The following NEGR1 variants were observed in gnomAD, a reference collection of about 807,000 sequenced individuals.
NEGR1 encodes the protein neuronal growth regulator 1.
Under a neutral mutation model 40.9 loss-of-function variants are expected in NEGR1, and 10 were observed. The observed-to-expected ratio is 0.24, with a 90% CI of 0.15 to 0.42. NEGR1 has a LOEUF of 0.42. NEGR1 is among the 10% of genes least tolerant of loss of function. The pLI is 1.00. For synonymous variants in NEGR1, 185 were observed against 166.8 expected (o/e 1.11, Z -0.84); for missense variants, 352 against 438.9 (o/e 0.80, Z 1.77).
intron 6 of NEGR1, among the ~76,000 whole-genome samples, chr1:71,431,348 G>A (rs891414390): frequency 2.0e-5 from 3 of 152,086 alleles, no homozygotes; most frequent in African/African-American, 7.2e-5. Context: ...TACAATAATG[G>A]AAGAAGAAAA....
chr1:71,480,122 C>G (rs558441756), intron 6 of NEGR1, among the ~76,000 whole-genome samples: 1 of 152,040 alleles, frequency 6.6e-6, no homozygotes, highest in South Asian at 2.1e-4. Context: ...CCATATTTCT[C>G]TAACTCCTGA....
intron 2 of NEGR1, among the ~76,000 whole-genome samples, chr1:71,790,934 C>A (rs547092494): frequency 1.3e-5 from 2 of 151,996 alleles, no homozygotes; most frequent in East Asian, 3.9e-4. Flanking sequence ...GAACAAAAAT[C>A]ATTTGTTGTT....
chr1:71,785,228 G>A (rs1354360022), intron 2 of NEGR1, among the ~76,000 whole-genome samples: 3 of 152,114 alleles, frequency 2.0e-5, no homozygotes, highest in East Asian at 1.9e-4. Flanking sequence ...ACTTATTGTC[G>A]TGCTGTATAT....
At chr1:71,803,527 G>A (rs1379663840) in intron 2 of NEGR1, among the ~76,000 whole-genome samples, 5 of 152,056 alleles carry the variant, frequency 3.3e-5, no homozygotes, top group Admixed American at 3.3e-4. Context: ...TTTTCTACCA[G>A]CTCCATTGGT....
At chr1:72,130,697 C>T (rs1650213307) in intron 1 of NEGR1, among the ~76,000 whole-genome samples, 1 of 152,116 alleles carries the variant, frequency 6.6e-6, no homozygotes, top group South Asian at 2.1e-4. Context: ...ACCTCATCTC[C>T]TATTAATTTC....
At chr1:71,935,385 T>C in intron 1 of NEGR1, 74 bp from the exon 2 acceptor site, 1 of 1,075,494 alleles carries the variant, frequency 9.3e-7, no homozygotes, top group Non-Finnish European at 1.4e-6. Context: ...TTCTGAGTGT[T>C]TTTTTCTTTT....
intron 6 of NEGR1, among the ~76,000 whole-genome samples, chr1:71,471,219 C>G (rs1490825469): frequency 2.6e-5 from 4 of 152,132 alleles, no homozygotes; most frequent in South Asian, 2.1e-4. Flanking sequence ...AACACATCAG[C>G]TCTTCAGTAA....
chr1:72,158,053 T>G (rs565560945), intron 1 of NEGR1, among the ~76,000 whole-genome samples: 1 of 152,222 alleles, frequency 6.6e-6, no homozygotes, highest in East Asian at 1.9e-4. Context: ...TACAGGTCTA[T>G]ATGGGAAAAA....
At chr1:71,885,880 T>A (rs1660709093) in intron 2 of NEGR1, among the ~76,000 whole-genome samples, 1 of 152,176 alleles carries the variant, frequency 6.6e-6, no homozygotes, top group East Asian at 1.9e-4. Context: ...AGTATGGAAA[T>A]TTATGAAATG....
At chr1:72,137,906 A>T (rs1241589800) in intron 1 of NEGR1, among the ~76,000 whole-genome samples, 2 of 152,124 alleles carry the variant, frequency 1.3e-5, no homozygotes, top group African/African-American at 4.8e-5. Context: ...GTGGAGCAAG[A>T]TCTTTAAAAT....
intron 1 of NEGR1, among the ~76,000 whole-genome samples, chr1:72,080,731 A>G (rs1647959570): frequency 6.6e-6 from 1 of 152,084 alleles, no homozygotes; most frequent in African/African-American, 2.4e-5. Context: ...TATAAGAGAA[A>G]CCACCTCATA....
chr1:72,231,744 G>A (rs1025531131), intron 1 of NEGR1, among the ~76,000 whole-genome samples: 4 of 152,098 alleles, frequency 2.6e-5, no homozygotes, highest in African/African-American at 7.2e-5. Flanking sequence ...ATTATCACAT[G>A]ATTTTCCGAG....
chr1:72,148,177 G>A (rs577021227), intron 1 of NEGR1, among the ~76,000 whole-genome samples: 7 of 152,192 alleles, frequency 4.6e-5, no homozygotes, highest in African/African-American at 7.2e-5. Context: ...CGAGGACCCC[G>A]CCCCTGCAGC....
chr1:72,177,350 C>T (rs1405100377), intron 1 of NEGR1, among the ~76,000 whole-genome samples: 1 of 151,918 alleles, frequency 6.6e-6, no homozygotes. Flanking sequence ...CTAAATTTAC[C>T]AGAATGCAGT....
At chr1:72,205,277 C>T (rs1653351578) in intron 1 of NEGR1, among the ~76,000 whole-genome samples, 1 of 151,882 alleles carries the variant, frequency 6.6e-6, no homozygotes, top group East Asian at 1.9e-4. Flanking sequence ...ATCAGAGAGT[C>T]TCTTAACTCT....
intron 6 of NEGR1, among the ~76,000 whole-genome samples, chr1:71,458,862 T>C (rs576978720): frequency 6.6e-6 from 1 of 152,270 alleles, no homozygotes; most frequent in Admixed American, 6.5e-5. Flanking sequence ...TTATCAGCTT[T>C]CATGCCTCAG....
chr1:72,108,788 C>T (rs1649237951), intron 1 of NEGR1, among the ~76,000 whole-genome samples: 1 of 151,620 alleles, frequency 6.6e-6, no homozygotes, highest in African/African-American at 2.4e-5. Context: ...ACCGAGCCTC[C>T]TAATTCTGCC....
chr1:71,707,090 G>A (rs1307430484), intron 3 of NEGR1, among the ~76,000 whole-genome samples: 2 of 151,830 alleles, frequency 1.3e-5, no homozygotes, highest in African/African-American at 4.8e-5. Context: ...GCCAATCCAA[G>A]TGGTTTGATT....
chr1:72,009,668 T>C (rs759809569), intron 1 of NEGR1, among the ~76,000 whole-genome samples: 2 of 152,134 alleles, frequency 1.3e-5, no homozygotes, highest in Non-Finnish European at 2.9e-5. Flanking sequence ...ATTCAGGATT[T>C]ACAGTTTTGT....
Sources: allele counts gnomAD v4.1 joint callset (sites outside exome capture counted in the v4.1 genomes callset), GRCh38; gene constraint gnomAD v4.1.1; transcripts MANE v1.5; gene names NCBI Gene and HGNC (gene_info 2026-07-23, HGNC 2026-07-21).